The following TRIO variants were observed in gnomAD, a reference collection of about 807,000 sequenced individuals.
TRIO encodes the protein trio Rho guanine nucleotide exchange factor, also known as triple functional domain protein.
In TRIO, 58 loss-of-function variants were observed where a neutral mutation model predicts 351.9. That is an observed-to-expected ratio of 0.16 (90% CI 0.13 to 0.21). The LOEUF (loss-of-function observed/expected upper bound fraction) is 0.21. Among genes scored for constraint, TRIO ranks in the 10% least tolerant of loss-of-function variants. The pLI, the probability that TRIO is intolerant of heterozygous loss-of-function variation, is 1.00. For missense variants in TRIO, 3,201 were observed against 4,027.8 expected (o/e 0.79, Z 5.56); for synonymous variants, 1,758 against 1,595.7 (o/e 1.10, Z -2.42).
intron 9 of TRIO, among the ~76,000 whole-genome samples, chr5:14,322,475 G>C (rs1739974846): frequency 6.6e-6 from 1 of 152,206 alleles, no homozygotes; most frequent in African/African-American, 2.4e-5. Flanking sequence ...ATCTGGAGGA[G>C]GGAAGTTGGC....
intron 30 of TRIO, among the ~76,000 whole-genome samples, chr5:14,399,930 C>G (rs1747930106): frequency 6.6e-6 from 1 of 152,176 alleles, no homozygotes; most frequent in Non-Finnish European, 1.5e-5. Flanking sequence ...CAGCAGATCT[C>G]TTATAAATAC....
chr5:14,438,381 G>A (rs1022583769), intron 34 of TRIO, among the ~76,000 whole-genome samples: 1 of 152,216 alleles, frequency 6.6e-6, no homozygotes, highest in Non-Finnish European at 1.5e-5. Context: ...ATCAAATGAG[G>A]TTTAAGACTC....
intron 6 of TRIO, among the ~76,000 whole-genome samples, chr5:14,294,107 G>A (rs1737142709): frequency 1.3e-5 from 2 of 152,112 alleles, no homozygotes; most frequent in African/African-American, 2.4e-5. Context: ...GATTGCTTGA[G>A]CCCAGGAGTT....
chr5:14,439,802 C>T (rs1751879938), intron 34 of TRIO, among the ~76,000 whole-genome samples: 2 of 152,154 alleles, frequency 1.3e-5, no homozygotes, highest in Admixed American at 6.5e-5. Context: ...TGAAGCCTAA[C>T]GTGGGCCCAT....
intron 33 of TRIO, among the ~76,000 whole-genome samples, chr5:14,417,180 GT>G (rs1409847558): frequency 1.3e-5 from 2 of 152,188 alleles, no homozygotes; most frequent in African/African-American, 4.8e-5. Context: ...ATCTTTGACT[GT>G]TCAGAGACCT....
At chr5:14,370,723 G>A (rs1269728574) in intron 18 of TRIO, among the ~76,000 whole-genome samples, 6 of 152,212 alleles carry the variant, frequency 3.9e-5, no homozygotes, top group South Asian at 2.1e-4. Context: ...ACGGTCATTA[G>A]TTATAACTAC....
At position 14,245,395 on chromosome 5, in the gene TRIO, A is replaced by G. The variant is rs933383900; in HGVS notation, c.158-25430A>G. Among the ~76,000 whole-genome samples the G allele has an allele frequency of 3.3e-5, 5 of 152,338 alleles. No individual in the cohort carries two copies. The Middle Eastern group carries it at 0.01, about 311-fold the overall frequency. ...CAAATGGTTCAGTCTTTCTGCAACC[A>G]CAAAGTTTCTTATTCAGGGGAGTGC... On this transcript the variant is annotated intron_variant, in intron 1 of 56. Coordinates refer to ENST00000344204, the MANE Select transcript of TRIO (RefSeq NM_007118.4).
rs765051230 is a variant in TRIO, at chr5:14,508,347, C to T, written c.9219C>T (p.Arg3073=). 6.2e-7 allele frequency: 1 copy of T among 1,614,032 alleles called. No homozygotes were observed. The highest frequency in any genetic ancestry group is 8.5e-7 in the Non-Finnish European group (1 of 1,180,046). Residue 3073 remains arginine (R), a synonymous_variant, in exon 57 of 57, where the codon CGC becomes CGT. Transcript: ENST00000344204. ...TSRLTSFIER[R]KHQNDVRPIR... is the part of the protein sequence containing the mutation. ...GACTGACTTCCTTCATTGAGCGGCG[C>T]AAACACCAGAATGATGTTCGACCTA...
chr5:14,202,672 A>G (rs1439987104), intron 1 of TRIO, among the ~76,000 whole-genome samples: 1 of 149,470 alleles, frequency 6.7e-6, no homozygotes, highest in African/African-American at 2.5e-5. Flanking sequence ...ATGATTTTAT[A>G]AGGAGTTTCC....
chr5:14,354,247 G>A (rs1232331580), intron 11 of TRIO, among the ~76,000 whole-genome samples: 1 of 152,222 alleles, frequency 6.6e-6, no homozygotes, highest in African/African-American at 2.4e-5. Context: ...ATTCTCTTCT[G>A]CTGTCTTGAT....
rs1299410004 is a variant in TRIO at position 14,330,730 on chromosome 5, A to G, written c.1732-48A>G. The G allele has an allele frequency of 2.5e-6, 4 of 1,595,160 alleles. No individual in the cohort carries two copies. In the Admixed American group the frequency reaches 5.1e-5, roughly 20 times the overall value. ...CATTGGATAACCTTAAACATTGAACATGGCAGGACATTGTTTTTATGGCAT... is the reference window on the plus strand; with the variant it reads ...CATTGGATAACCTTAAACATTGAACGTGGCAGGACATTGTTTTTATGGCAT... On this transcript the variant is annotated intron_variant, in intron 9 of 56. Coordinates refer to ENST00000344204, the MANE Select transcript of TRIO (RefSeq NM_007118.4).
chr5:14,215,795 T>G (rs1792179996), intron 1 of TRIO, among the ~76,000 whole-genome samples: 1 of 152,226 alleles, frequency 6.6e-6, no homozygotes, highest in Non-Finnish European at 1.5e-5. Context: ...CGAGAAACCA[T>G]AAAACTAGTT....
intron 11 of TRIO, among the ~76,000 whole-genome samples, chr5:14,349,863 C>T (rs1234585848): frequency 6.6e-6 from 1 of 152,102 alleles, no homozygotes; most frequent in Non-Finnish European, 1.5e-5. Flanking sequence ...TTTTTCTGAT[C>T]CTTTTCCTCC....
At chr5:14,304,421 A>G (rs1738183574) in intron 7 of TRIO, 40 bp from the exon 8 acceptor site, 1 of 1,582,174 alleles carries the variant, frequency 6.3e-7, no homozygotes, top group Non-Finnish European at 8.6e-7. Context: ...CTCAATATAA[A>G]TTGTCATTGA....
At chr5:14,185,924 C>T (rs149417548) in intron 1 of TRIO, among the ~76,000 whole-genome samples, 29 of 152,228 alleles carry the variant, frequency 1.9e-4, no homozygotes, top group African/African-American at 5.8e-4. Context: ...TGAGTACCTC[C>T]GCCAGTGAAG....
intron 1 of TRIO, among the ~76,000 whole-genome samples, chr5:14,155,732 A>G (rs767060018): frequency 1.2e-4 from 19 of 152,220 alleles, no homozygotes; most frequent in South Asian, 6.2e-4. Flanking sequence ...AACATGTGAT[A>G]TCCACTGTCC....
In TRIO at chr5:14,427,449, G is replaced by A. The variant is rs1047550320; in HGVS notation, c.5203+7428G>A. 8.5e-5 allele frequency among the ~76,000 whole-genome samples: 13 copies of A among 152,314 alleles called. No homozygotes were observed. The South Asian group carries it at 2.1e-3, about 24-fold the overall frequency. ...ACCCCCAGCCCAAGCCTCACTGCTCGTGTTCCCAGCCAACCCCAGCACGGG... is the reference window on the plus strand; with the variant it reads ...ACCCCCAGCCCAAGCCTCACTGCTCATGTTCCCAGCCAACCCCAGCACGGG... On this transcript the variant is annotated intron_variant, in intron 34 of 56. Transcript: ENST00000344204.
At chr5:14,426,639 G>A (rs189892031) in intron 34 of TRIO, among the ~76,000 whole-genome samples, 13 of 152,332 alleles carry the variant, frequency 8.5e-5, no homozygotes, top group Non-Finnish European at 1.6e-4. Context: ...CAACACAGGT[G>A]TTTTAAACCG....
intron 31 of TRIO, 50 bp from the exon 32 acceptor site, chr5:14,405,798 G>T (rs1437539665): frequency 6.4e-7 from 1 of 1,570,022 alleles, no homozygotes; most frequent in South Asian, 1.2e-5. Context: ...TTAGGGCAAG[G>T]TCTGGAAAGG....
Sources: gnomAD v4.1 joint callset for allele counts (sites outside exome capture counted in the v4.1 genomes callset) on GRCh38, gnomAD v4.1.1 for gene constraint, MANE v1.5 for transcripts, NCBI Gene and HGNC (gene_info 2026-07-23, HGNC 2026-07-21) for gene names.